The following PARVB variants were observed in gnomAD, a reference collection of about 807,000 sequenced individuals.
PARVB encodes the protein beta-parvin.
In PARVB, 46 loss-of-function variants were observed where a neutral mutation model predicts 47.0. The ratio of observed to expected loss-of-function variants is 0.98; its 90% confidence interval spans 0.77 to 1.25. The LOEUF is 1.25. Among genes scored for constraint, PARVB ranks in the 50% most tolerant of loss-of-function variants. The pLI is 0.00. For missense variants in PARVB, 473 were observed against 471.6 expected, an observed-to-expected ratio of 1.00 and a Z score of -0.03; for synonymous variants, 196 against 196.3, an observed-to-expected ratio of 1.00 and a Z score of 0.01.
At chr22:44,051,528 G>A (rs1263523907) in intron 1 of PARVB, among the ~76,000 whole-genome samples, 1 of 152,208 alleles carries the variant, frequency 6.6e-6, no homozygotes, top group Non-Finnish European at 1.5e-5. Context: ...AGCAGGAAAA[G>A]GAAGGAGATA....
At position 44,170,426 on chromosome 22, in the gene PARVB, G is replaced by T. The variant is rs2054255738; in HGVS notation, c.*1748G>T. 1 of 152,182 alleles carries T rather than the reference G, an allele frequency of 6.6e-6. No individual in the cohort carries two copies. The allele number at this position is 152,182 out of a possible 1,614,324, so 9.4% of individuals were successfully genotyped here. A position where few individuals can be genotyped will look rare whatever the true frequency, so the allele number is the denominator to read the frequency against. On this transcript the variant is annotated 3_prime_UTR_variant, in exon 13 of 13. Coordinates refer to ENST00000338758, the MANE Select transcript of PARVB (RefSeq NM_013327.5). ...ATACCATCACATCAGAGGTGCTGGGGTTAGGACTTCAGCATGTGGATTTGT... is the reference window on the plus strand; with the variant it reads ...ATACCATCACATCAGAGGTGCTGGGTTTAGGACTTCAGCATGTGGATTTGT...
Position 44,024,496 on chromosome 22 carries a change from C to A in PARVB, c.112+45C>A, listed in dbSNP as rs751527631. ...CGCCGACCCCCGGGGACCTGCCCGGCGGTGCCCGCCCTCGGCCCTAGAGCC... is the reference window on the plus strand; with the variant it reads ...CGCCGACCCCCGGGGACCTGCCCGGAGGTGCCCGCCCTCGGCCCTAGAGCC... On this transcript the variant is annotated intron_variant, in intron 1 of 12. Coordinates refer to ENST00000338758, the MANE Select transcript of PARVB (RefSeq NM_013327.5). The A allele has an allele frequency of 1.6e-5, 16 of 1,025,896 alleles. No homozygotes were observed. In the South Asian group the frequency reaches 6.5e-4, roughly 42 times the overall value. 63.5% of individuals were successfully genotyped at this position (1,025,896 alleles called of 1,614,324 possible). A position where few individuals can be genotyped will look rare whatever the true frequency, so the allele number is the denominator to read the frequency against.
intron 1 of PARVB, among the ~76,000 whole-genome samples, chr22:44,043,096 A>G (rs1055885838): frequency 6.6e-6 from 1 of 152,232 alleles, no homozygotes; most frequent in Non-Finnish European, 1.5e-5. Flanking sequence ...ATATGGATCC[A>G]TGCTACAACA....
In PARVB at chr22:44,147,655, C is replaced by G. The variant is rs182012078; in HGVS notation, c.713-206C>G. ...CTAGTCCACGCTGTTCTGGTTGTTC[C>G]CAAGCGCTCTTGCTCGCCTTGGTTT... On this transcript the variant is annotated intron_variant, in intron 8 of 12. Coordinates refer to ENST00000338758, the MANE Select transcript of PARVB (RefSeq NM_013327.5). 1.9e-5 allele frequency: 14 copies of G among 741,782 alleles called. No homozygotes were observed. The African/African-American group carries it at 2.0e-4, about 11-fold the overall frequency. The allele number at this position is 741,782 out of a possible 1,614,324, so 46.0% of individuals were successfully genotyped here.
chr22:44,138,587 C>G (rs953620296), intron 7 of PARVB, among the ~76,000 whole-genome samples: 2 of 152,172 alleles, frequency 1.3e-5, no homozygotes, highest in African/African-American at 4.8e-5. Context: ...CTGCTGAAAA[C>G]CAGCGGCCCA....
At chr22:44,148,139 G>A (rs1052085355) in intron 9 of PARVB, 5 of 577,252 alleles carry the variant, frequency 8.7e-6, no homozygotes, top group African/African-American at 1.9e-5. Flanking sequence ...CTTCCTGCCC[G>A]CCCGCTCCGC....
chr22:44,147,805 G>T, intron 8 of PARVB, 56 bp from the exon 9 acceptor site: 1 of 1,463,992 alleles, frequency 6.8e-7, no homozygotes, highest in Non-Finnish European at 9.6e-7. Flanking sequence ...CTGGATTAGG[G>T]CAGCACCACG....
rs118179042 is a variant in PARVB, at chr22:44,155,879, G to T, written c.844-2103G>T. Among the ~76,000 whole-genome samples the T allele has an allele frequency of 6.6e-6, 1 of 152,142 alleles. No individual in the cohort carries two copies. The highest frequency in any genetic ancestry group is 1.5e-5 in the Non-Finnish European group (1 of 68,020). Reference sequence around the variant, plus strand: ...CTGACAGCGTGTTGAATTTCCAGGCGCAGTGGCTCATGCCTGCAATCCTAG... The same window carrying T: ...CTGACAGCGTGTTGAATTTCCAGGCTCAGTGGCTCATGCCTGCAATCCTAG... On this transcript the variant is annotated intron_variant, in intron 10 of 12. Coordinates refer to ENST00000338758, the MANE Select transcript of PARVB (RefSeq NM_013327.5). This position sits in a 1 kb window ranked among gnomAD's most constrained non-coding sequence, Gnocchi z 4.8.
At chr22:44,033,747 G>A (rs145845081) in intron 1 of PARVB, among the ~76,000 whole-genome samples, 20 of 152,308 alleles carry the variant, frequency 1.3e-4, no homozygotes, top group African/African-American at 4.6e-4. Flanking sequence ...AAAAATTACA[G>A]TTCCACAGGA....
intron 1 of PARVB, chr22:44,081,661 C>G (rs538482857): frequency 5.1e-6 from 5 of 981,264 alleles, no homozygotes; most frequent in East Asian, 2.3e-4. Context: ...TCATGGGGCT[C>G]GTCTGTTGCT....
chr22:44,119,198 G>GCC, intron 4 of PARVB, 58 bp downstream of exon 4: 1 of 1,209,800 alleles, frequency 8.3e-7, no homozygotes, highest in Non-Finnish European at 1.2e-6. Context: ...GCGGCCCTGG[G>GCC]CTGGGCCAGG....
chr22:43,999,800 T>G, intron 2 of PARVB: 1 of 427,044 alleles, frequency 2.3e-6, no homozygotes, highest in East Asian at 4.4e-5. Flanking sequence ...AATTTGAGAC[T>G]ACTCTGCACA....
chr22:44,092,259 C>A (rs551448928), intron 1 of PARVB, among the ~76,000 whole-genome samples: 1 of 152,060 alleles, frequency 6.6e-6, no homozygotes. Context: ...TACAGGCGCA[C>A]GCCACCACGC....
At position 44,171,494 on chromosome 22, in the gene PARVB, C is replaced by CAAAA. The variant is rs112562506; in HGVS notation, c.*2825_*2828dup. The stretch of plus-strand genomic sequence containing the variant: ...TGAGCAACAGAGTGAGACTCTGTCT[C>CAAAA]AAAAAAAAAAAAGAAAGAAAAAAGA... On this transcript the variant is annotated 3_prime_UTR_variant, in exon 13 of 13. Transcript: ENST00000338758. The CAAAA allele has an allele frequency of 0.037, 5,149 of 139,016 alleles. 256 individuals carry two copies. The highest frequency in any genetic ancestry group is 0.17 in the East Asian group (787 of 4,716). The allele number at this position is 139,016 out of a possible 1,614,324, so 8.6% of individuals were successfully genotyped here.
upstream of PARVB, among the ~76,000 whole-genome samples, chr22:44,020,330 T>G (rs548831057): frequency 1.3e-5 from 2 of 152,136 alleles, no homozygotes; most frequent in East Asian, 3.9e-4. Flanking sequence ...GCATATGCCA[T>G]TACACCCAGC....
intron 1 of PARVB, among the ~76,000 whole-genome samples, chr22:44,045,097 G>A (rs1203459748): frequency 6.6e-6 from 1 of 151,962 alleles, no homozygotes; most frequent in Non-Finnish European, 1.5e-5. Context: ...TTAGTCTGGC[G>A]TTGTGTTGTG....
intron 3 of PARVB, among the ~76,000 whole-genome samples, chr22:44,102,370 A>T (rs1403606877): frequency 6.6e-6 from 1 of 152,224 alleles, no homozygotes; most frequent in Non-Finnish European, 1.5e-5. Context: ...TGGGCACCCC[A>T]GAGCCCAGGC....
At chr22:44,111,277 G>C (rs1211388880) in intron 3 of PARVB, 2 of 152,074 alleles carry the variant, frequency 1.3e-5, no homozygotes, top group Non-Finnish European at 2.9e-5. Context: ...GGTCTAGAGA[G>C]GTTAAATGAG....
chr22:44,107,213 C>T (rs961945217), intron 3 of PARVB: 3 of 152,248 alleles, frequency 2.0e-5, no homozygotes, highest in Non-Finnish European at 2.9e-5. Flanking sequence ...GCTGGTGTTT[C>T]TTCCTGTGTA....
Sources: allele counts gnomAD v4.1 joint callset (sites outside exome capture counted in the v4.1 genomes callset), GRCh38; gene constraint gnomAD v4.1.1; non-coding constraint Gnocchi (gnomAD v3.1); transcripts MANE v1.5; gene names NCBI Gene and HGNC (gene_info 2026-07-23, HGNC 2026-07-21).